ZMYM2: variants seen among roughly 807,000 people sequenced by gnomAD.
ZMYM2 encodes the protein zinc finger MYM-type containing 2, also known as zinc finger MYM-type protein 2.
Under a neutral mutation model 162.8 loss-of-function variants are expected in ZMYM2, and 56 were observed. That is an observed-to-expected ratio of 0.34 (90% CI 0.28 to 0.43). ZMYM2 has a LOEUF of 0.43. ZMYM2 is among the 20% of genes least tolerant of loss of function. ZMYM2 has a pLI of 1.00. For synonymous variants in ZMYM2, 510 were observed against 541.6 expected (o/e 0.94, Z 0.81); for missense variants, 1,275 against 1,621.8 (o/e 0.79, Z 3.67).
chr13:19,991,645 T>C (rs1949639005), intron 2 of ZMYM2, among the ~76,000 whole-genome samples: 1 of 134,498 alleles, frequency 7.4e-6, no homozygotes, highest in South Asian at 2.4e-4. Flanking sequence ...TTTTTTCCCA[T>C]TTTGAGACAG....
At chr13:19,937,799 T>C in the ZMYM2 span, among the ~76,000 whole-genome samples, 25,286 of 95,460 alleles carry the variant, frequency 0.26, 3,208 homozygotes, top group South Asian at 0.43. Flanking sequence ...GCCCCCCACC[T>C]CACAACAGTC....
intron 3 of ZMYM2, among the ~76,000 whole-genome samples, chr13:19,994,637 C>T (rs1230862303): frequency 6.6e-6 from 1 of 151,838 alleles, no homozygotes; most frequent in African/African-American, 2.4e-5. Flanking sequence ...TTATAGGCGT[C>T]CACCACCACG....
chr13:20,038,608 C>G (rs952205415), intron 12 of ZMYM2, among the ~76,000 whole-genome samples: 2 of 152,076 alleles, frequency 1.3e-5, no homozygotes, highest in African/African-American at 4.8e-5. Context: ...TCTGGGCTCT[C>G]TATTCTGTTC....
the ZMYM2 span, among the ~76,000 whole-genome samples, chr13:19,916,191 C>T: frequency 2.6e-5 from 4 of 151,794 alleles, no homozygotes; most frequent in African/African-American, 7.3e-5. Context: ...GTTAGAATGG[C>T]GATCATTAAA....
At chr13:19,980,626 G>A (rs112506979) in intron 2 of ZMYM2, among the ~76,000 whole-genome samples, 8,399 of 151,514 alleles carry the variant, frequency 0.055, 262 homozygotes, top group South Asian at 0.09. Flanking sequence ...GGTGGCAGGC[G>A]CCTGTAATCC....
chr13:20,073,302 TA>T (rs770848488), intron 21 of ZMYM2, among the ~76,000 whole-genome samples: 2 of 152,184 alleles, frequency 1.3e-5, no homozygotes, highest in Non-Finnish European at 2.9e-5. Flanking sequence ...GACCAAGAGG[TA>T]AAAATTTAGA....
the ZMYM2 span, among the ~76,000 whole-genome samples, chr13:19,868,385 C>T: frequency 6.6e-6 from 1 of 152,140 alleles, no homozygotes; most frequent in Non-Finnish European, 1.5e-5. Flanking sequence ...TGCTTCTGAG[C>T]CCTTTTGATA....
chr13:20,065,933 TGGA>T (rs1233882037), intron 19 of ZMYM2, among the ~76,000 whole-genome samples: 3 of 152,056 alleles, frequency 2.0e-5, no homozygotes, highest in Non-Finnish European at 4.4e-5. Context: ...CTCTATAAGG[TGGA>T]GTTGTTGAAA....
intron 21 of ZMYM2, among the ~76,000 whole-genome samples, chr13:20,074,471 A>G (rs1957339505): frequency 2.0e-5 from 3 of 151,708 alleles, no homozygotes; most frequent in Admixed American, 2.0e-4. Context: ...CCTGGGCCCA[A>G]GCAATCCACC....
At chr13:19,883,018 CG>C in the ZMYM2 span, among the ~76,000 whole-genome samples, 1 of 152,026 alleles carries the variant, frequency 6.6e-6, no homozygotes, top group African/African-American at 2.4e-5. Flanking sequence ...CATTAATGGA[CG>C]AAAGGATAAA....
At chr13:19,957,713 C>T (rs1416200460), upstream of ZMYM2, among the ~76,000 whole-genome samples, 2 of 152,244 alleles carry the variant, frequency 1.3e-5, no homozygotes, top group East Asian at 3.9e-4. Context: ...GAGGCCTGGG[C>T]AGGGCCAGCG....
Position 19,998,374 on chromosome 13 carries a change from A to G in ZMYM2, c.847+4455A>G, listed in dbSNP as rs116980387. ...CACCATTTTTTTCAGTGTCAAGGCAATAGATGCCCTTAAGTTTTGATAGGC... is the reference window on the plus strand; with the variant it reads ...CACCATTTTTTTCAGTGTCAAGGCAGTAGATGCCCTTAAGTTTTGATAGGC... On this transcript the variant is annotated intron_variant, in intron 3 of 24. Transcript: ENST00000610343. 1.2e-4 allele frequency among the ~76,000 whole-genome samples: 19 copies of G among 152,316 alleles called. No homozygotes were observed. In the East Asian group the frequency reaches 3.3e-3, roughly 26 times the overall value.
chr13:19,910,407 T>C, the ZMYM2 span, among the ~76,000 whole-genome samples: 2 of 152,110 alleles, frequency 1.3e-5, no homozygotes, highest in Non-Finnish European at 2.9e-5. Context: ...CAGACCTATC[T>C]CGGTTTACTG....
chr13:19,915,649 G>C, the ZMYM2 span, among the ~76,000 whole-genome samples: 1,683 of 151,634 alleles, frequency 0.011, 27 homozygotes, highest in African/African-American at 0.032. Context: ...GATTATAGGT[G>C]CCCACCACCA....
At chr13:19,879,762 T>C in the ZMYM2 span, among the ~76,000 whole-genome samples, 6 of 152,196 alleles carry the variant, frequency 3.9e-5, no homozygotes, top group Non-Finnish European at 8.8e-5. Flanking sequence ...GCCAACTTTT[T>C]GTGCCACTTT....
the ZMYM2 span, among the ~76,000 whole-genome samples, chr13:19,896,592 T>TA: frequency 1.3e-5 from 2 of 148,556 alleles, no homozygotes; most frequent in African/African-American, 5.0e-5. Context: ...CCGTCTCTAC[T>TA]AAAAAATAGA....
At chr13:19,899,366 AG>A in the ZMYM2 span, among the ~76,000 whole-genome samples, 1 of 152,178 alleles carries the variant, frequency 6.6e-6, no homozygotes, top group Non-Finnish European at 1.5e-5. Context: ...CAGCTGTAAA[AG>A]CTCCTTTTTT....
rs911030577 is a variant in ZMYM2, at chr13:20,088,286, T to C, written c.*2272T>C. On this transcript the variant is annotated 3_prime_UTR_variant, in exon 25 of 25. Transcript: ENST00000610343. ...CTCACTTCACCTAGAACACATTTCA[T>C]TGATTCTTGGATCTTAGTTTATGTG... 4.8e-5 allele frequency: 10 copies of C among 208,200 alleles called. No individual in the cohort carries two copies. The highest frequency in any genetic ancestry group is 2.3e-4 in the African/African-American group (10 of 44,002). The allele number at this position is 208,200 out of a possible 1,614,324, so 12.9% of individuals were successfully genotyped here.
chr13:20,060,634 C>T (rs546972199), intron 16 of ZMYM2, among the ~76,000 whole-genome samples: 4 of 151,710 alleles, frequency 2.6e-5, no homozygotes, highest in South Asian at 4.2e-4. Flanking sequence ...ACTGAGATAG[C>T]GCCATTGCAC....
Sources: gnomAD v4.1 joint callset for allele counts (sites outside exome capture counted in the v4.1 genomes callset) on GRCh38, gnomAD v4.1.1 for gene constraint, MANE v1.5 for transcripts, NCBI Gene and HGNC (gene_info 2026-07-23, HGNC 2026-07-21) for gene names.